Variants in RAB31 observed in about 807,000 individuals in gnomAD.
The protein encoded by RAB31 is RAB31, member RAS oncogene family, also known as ras-related protein Rab-31.
RAB31 carries 21 observed loss-of-function variants against 25.6 expected under a neutral mutation model. The ratio of observed to expected loss-of-function variants is 0.82; its 90% CI spans 0.58 to 1.18. The LOEUF is 1.18. Among genes scored for constraint, RAB31 ranks in the 50% most tolerant of loss-of-function variants. The pLI is 0.00. For missense variants in RAB31, 196 were observed against 250.1 expected (o/e 0.78, Z 1.46); for synonymous variants, 87 against 84.0 (o/e 1.04, Z -0.20).
At chr18:9,740,558 C>T (rs750022290) in intron 1 of RAB31, among the ~76,000 whole-genome samples, 5 of 151,918 alleles carry the variant, frequency 3.3e-5, no homozygotes, top group Non-Finnish European at 5.9e-5. Context: ...ACTAAAAATG[C>T]AAAAATTAGC....
At chr18:9,751,221 TG>T (rs2068233594) in intron 1 of RAB31, among the ~76,000 whole-genome samples, 2 of 152,090 alleles carry the variant, frequency 1.3e-5, no homozygotes, top group African/African-American at 4.8e-5. Context: ...TTTTATTTTT[TG>T]TAGTGATGAG....
rs557875503 is a variant in RAB31 at position 9,833,349 on chromosome 18, CA to C, written c.381-12232del. The stretch of plus-strand genomic sequence containing the variant: ...GCAGCCCACAGGGGCCCGGAAGTGT[CA>C]GGGGGACCATGGGACGACAGGGCCC... On this transcript the variant is annotated intron_variant, in intron 5 of 6. Transcript: ENST00000578921. 5.2e-4 allele frequency among the ~76,000 whole-genome samples: 79 copies of C among 152,234 alleles called. 1 individual carries two copies. In the East Asian group the frequency reaches 7.7e-3, roughly 15 times the overall value.
intron 1 of RAB31, among the ~76,000 whole-genome samples, chr18:9,720,483 G>C (rs1239466252): frequency 6.6e-6 from 1 of 152,012 alleles, no homozygotes; most frequent in African/African-American, 2.4e-5. Flanking sequence ...GAGAGCGTGT[G>C]GTGTCTGCTA....
rs1351159286 is a variant in RAB31 at position 9,814,084 on chromosome 18, C to T, written c.266C>T (p.Thr89Ile). 1.9e-6 allele frequency: 3 copies of T among 1,576,420 alleles called. No individual in the cohort carries two copies. The highest frequency in any genetic ancestry group is 2.3e-5 in the East Asian group (1 of 44,352). ...SAAAVIVYDI[T>I]KQDSFYTLKK... is the part of the protein sequence containing the mutation. ...GCAGCTGTTATCGTGTATGATATTA[C>T]CAAGCAGGTAAGAATGTCTCCTTCA... The change falls in exon 4 of 7, where the codon ACC becomes ATC. Residue 89 changes from threonine to isoleucine, a missense_variant. By Grantham distance (89) the Thr-to-Ile change is moderately conservative. Coordinates refer to ENST00000578921, the MANE Select transcript of RAB31 (RefSeq NM_006868.4).
At chr18:9,745,298 A>G (rs1198004093) in intron 1 of RAB31, among the ~76,000 whole-genome samples, 1 of 152,230 alleles carries the variant, frequency 6.6e-6, no homozygotes, top group Non-Finnish European at 1.5e-5. Flanking sequence ...AAGGAGAATC[A>G]GTAATCAAAA....
intron 3 of RAB31, among the ~76,000 whole-genome samples, chr18:9,812,257 A>G (rs2068576252): frequency 6.6e-6 from 1 of 152,212 alleles, no homozygotes; most frequent in South Asian, 2.1e-4. Flanking sequence ...AGTTCATAAC[A>G]TTATACCATG....
chr18:9,841,495 C>T (rs900035879), intron 5 of RAB31, among the ~76,000 whole-genome samples: 3 of 147,792 alleles, frequency 2.0e-5, no homozygotes, highest in South Asian at 2.1e-4. Context: ...GCCGAGATGG[C>T]GCCACTGCAC....
chr18:9,859,105 C>T lies in RAB31; in HGVS notation c.491-123C>T. ...AAAGGAAGGAAGGAGAAAGGAGCCC[C>T]TCCAGGAACACCTTTATTTTGTGCA... On this transcript the variant is annotated intron_variant, in intron 6 of 6. Transcript: ENST00000578921. 3 of 741,890 alleles carry T rather than the reference C, an allele frequency of 4.0e-6. No homozygotes were observed. The South Asian group carries it at 5.6e-5, about 14-fold the overall frequency. 46.0% of individuals were successfully genotyped at this position (741,890 alleles called of 1,614,324 possible). A position where few individuals can be genotyped will look rare whatever the true frequency, so the allele number is the denominator to read the frequency against.
intron 3 of RAB31, among the ~76,000 whole-genome samples, chr18:9,795,271 C>T (rs977353554): frequency 6.6e-6 from 1 of 152,174 alleles, no homozygotes; most frequent in Non-Finnish European, 1.5e-5. Context: ...AATCTAAGAC[C>T]TGAAGCCATA....
chr18:9,841,951 A>G (rs1026475893), intron 5 of RAB31, among the ~76,000 whole-genome samples: 2 of 152,124 alleles, frequency 1.3e-5, no homozygotes, highest in African/African-American at 4.8e-5. Flanking sequence ...ATGGGTGACT[A>G]CTTTTATTTT....
chr18:9,721,539 A>C (rs1164140006), intron 1 of RAB31, among the ~76,000 whole-genome samples: 1 of 151,876 alleles, frequency 6.6e-6, no homozygotes, highest in Non-Finnish European at 1.5e-5. Context: ...TTGTTTTAAC[A>C]TGGGAGGTGG....
intron 5 of RAB31, among the ~76,000 whole-genome samples, chr18:9,842,057 C>T (rs1010754162): frequency 6.6e-6 from 1 of 152,038 alleles, no homozygotes; most frequent in Non-Finnish European, 1.5e-5. Context: ...GTTATGGACA[C>T]AACTCAGGAG....
rs1658558271 is a variant in RAB31, at chr18:9,860,495, A to G, written c.*1170A>G. ...CCTTTTCAGATTCCCTGTCTGCTCA[A>G]TTAAAGATGTTTGAATCCAAAGGAA... is the stretch of plus-strand genomic sequence containing the variant. On this transcript the variant is annotated 3_prime_UTR_variant, in exon 7 of 7. Transcript: ENST00000578921. The G allele has an allele frequency of 6.6e-6, 1 of 152,254 alleles. No homozygotes were observed. Among genetic ancestry groups the G allele is most frequent in the African/African-American group, 2.4e-5 (1 of 41,460 alleles). 9.4% of individuals were successfully genotyped at this position (152,254 alleles called of 1,614,324 possible). A position where few individuals can be genotyped will look rare whatever the true frequency, so the allele number is the denominator to read the frequency against.
At chr18:9,741,197 G>A (rs969759680) in intron 1 of RAB31, among the ~76,000 whole-genome samples, 6 of 151,862 alleles carry the variant, frequency 4.0e-5, no homozygotes, top group Non-Finnish European at 5.9e-5. Context: ...CCAACATGGT[G>A]AAACTCCGTC....
At chr18:9,734,908 G>A in intron 1 of RAB31, 1 of 312,274 alleles carries the variant, frequency 3.2e-6, no homozygotes, top group Non-Finnish European at 6.6e-6. Flanking sequence ...ATGACAGACT[G>A]CTTTGGGAGC....
intron 2 of RAB31, chr18:9,787,490 G>T: frequency 5.5e-6 from 1 of 181,980 alleles, no homozygotes; most frequent in South Asian, 1.4e-4. Context: ...GCAAGACATT[G>T]GAGAATTCAC....
chr18:9,800,212 G>A (rs2068506996), intron 3 of RAB31, among the ~76,000 whole-genome samples: 1 of 152,180 alleles, frequency 6.6e-6, no homozygotes. Flanking sequence ...AAGAGGTGAA[G>A]AGCTGGGGAT....
chr18:9,761,513 G>A (rs2068288575), intron 1 of RAB31, among the ~76,000 whole-genome samples: 1 of 152,202 alleles, frequency 6.6e-6, no homozygotes, highest in Non-Finnish European at 1.5e-5. Context: ...TTGTGGGTCA[G>A]GAATTGGGCA....
intron 1 of RAB31, chr18:9,774,930 A>T (rs767220157): frequency 1.9e-6 from 1 of 525,262 alleles, no homozygotes. Context: ...TGCCCAAACA[A>T]TGTGGTATGT....
Sources: gnomAD v4.1 joint callset for allele counts (sites outside exome capture counted in the v4.1 genomes callset) on GRCh38, gnomAD v4.1.1 for gene constraint, MANE v1.5 for transcripts, NCBI Gene and HGNC (gene_info 2026-07-23, HGNC 2026-07-21) for gene names.